RIF1: variants seen among roughly 807,000 people sequenced by gnomAD.
RIF1 encodes the protein replication timing regulatory factor 1.
Under a neutral mutation model 247.1 loss-of-function variants are expected in RIF1, and 45 were observed. That is an observed-to-expected ratio of 0.18 (90% confidence interval 0.14 to 0.23). The LOEUF is 0.23. RIF1 is among the 10% of genes least tolerant of loss of function. RIF1 has a pLI of 1.00. For synonymous variants in RIF1, 1,087 were observed against 978.8 expected (o/e 1.11, Z -2.06); for missense variants, 2,967 against 2,862.5 (o/e 1.04, Z -0.83).
chr2:151,508,434 T>G (rs1419740007), downstream of RIF1, among the ~76,000 whole-genome samples: 1 of 152,168 alleles, frequency 6.6e-6, no homozygotes, highest in Non-Finnish European at 1.5e-5. Context: ...GAGATGGGGA[T>G]GCCTCCAGTG....
chr2:151,519,853 G>A, the RIF1 span: 1 of 853,858 alleles, frequency 1.2e-6, no homozygotes, highest in South Asian at 1.4e-5. Context: ...AAATGCCAAA[G>A]AATATGCATT....
chr2:151,505,590 A>G, intron 12 of RIF1: 1 of 1,576,254 alleles, frequency 6.3e-7, no homozygotes, highest in Non-Finnish European at 8.7e-7. Flanking sequence ...TAAAAATGGG[A>G]AAAGAAAGGT....
chr2:151,461,267 A>G lies in RIF1; in HGVS notation c.3205A>G (p.Lys1069Glu), dbSNP rs1366865066. The change falls in exon 27 of 36, where the codon AAA (lysine) becomes GAA (glutamate). Residue 1069 changes from lysine to glutamate, a missense_variant. Physicochemically the swap from Lys to Glu is moderately conservative, Grantham distance 56. This residue lies in a region of RIF1 where 2,028 missense variants were observed against 1,825.6 expected (regional missense o/e 1.11). Coordinates refer to ENST00000444746, the MANE Select transcript of RIF1 (RefSeq NM_018151.5). ...GGAAAGAATATTAACTGATCATCAA[A>G]AAGAAGTTCTCAAAACAAAGCGGTT... Reference protein sequence around the residue: ...AKERILTDHQKEVLKTKRCDI... With the variant: ...AKERILTDHQEEVLKTKRCDI... 4.3e-6 allele frequency: 7 copies of G among 1,612,840 alleles called. No homozygotes were observed. Among genetic ancestry groups the G allele is most frequent in the Non-Finnish European group, 5.9e-6 (7 of 1,179,764 alleles).
At chr2:151,524,116 G>T in the RIF1 span, among the ~76,000 whole-genome samples, 1 of 152,268 alleles carries the variant, frequency 6.6e-6, no homozygotes, top group South Asian at 2.1e-4. Context: ...GTAAAGTGGA[G>T]AACAAGAAAG....
At chr2:151,507,871 A>G (rs1308052054) in exon 14 of RIF1, 1 of 651,942 alleles carries the variant, frequency 1.5e-6, no homozygotes, top group Non-Finnish European at 2.7e-6. Flanking sequence ...AATTGGGCAC[A>G]CATTTCCTGG....
chr2:151,525,975 T>G, the RIF1 span: 10 of 1,613,814 alleles, frequency 6.2e-6, no homozygotes. Flanking sequence ...ACATGCTTGG[T>G]CACTTCCTTG....
chr2:151,417,271 C>G (rs1191072616), intron 6 of RIF1, among the ~76,000 whole-genome samples: 2 of 152,068 alleles, frequency 1.3e-5, no homozygotes, highest in East Asian at 3.9e-4. Context: ...AATAGAGTAC[C>G]TTCTTCATTT....
intron 12 of RIF1, chr2:151,505,847 T>C (rs2153180647): frequency 1.9e-6 from 1 of 536,164 alleles, no homozygotes; most frequent in South Asian, 2.4e-5. Context: ...CCAATGTCTT[T>C]ATGCCCAGCA....
chr2:151,492,555 T>A, intron 9 of RIF1: 1 of 1,282,692 alleles, frequency 7.8e-7, no homozygotes, highest in Non-Finnish European at 1.1e-6. Context: ...TCAAAGCCTT[T>A]CCAGCAGATA....
At chr2:151,525,322 A>C in the RIF1 span, 1 of 1,372,854 alleles carries the variant, frequency 7.3e-7, no homozygotes. Context: ...CTGGGAACAG[A>C]GTTGGTTTAC....
At chr2:151,423,406 C>G (rs1688498152) in intron 8 of RIF1, 1 of 179,248 alleles carries the variant, frequency 5.6e-6, no homozygotes, top group African/African-American at 2.4e-5. Flanking sequence ...GGTGGTTTCA[C>G]TGTTTAAATT....
intron 6 of RIF1, among the ~76,000 whole-genome samples, chr2:151,418,033 C>A (rs1378130655): frequency 2.0e-5 from 3 of 152,104 alleles, no homozygotes; most frequent in Non-Finnish European, 4.4e-5. Context: ...CTCACACTTA[C>A]CACGAATGGA....
At chr2:151,521,411 AAAG>A in the RIF1 span, among the ~76,000 whole-genome samples, 4 of 147,968 alleles carry the variant, frequency 2.7e-5, no homozygotes, top group Admixed American at 6.7e-5. Flanking sequence ...CTCTCAACAT[AAAG>A]AAGTGGAAGG....
the RIF1 span, among the ~76,000 whole-genome samples, chr2:151,530,181 A>G: frequency 6.6e-6 from 1 of 152,188 alleles, no homozygotes; most frequent in Non-Finnish European, 1.5e-5. Context: ...GAATACAGCA[A>G]TCATTCTGCC....
In RIF1 at chr2:151,410,504, T is replaced by G. The variant is rs1304050449; in HGVS notation, c.81T>G (p.Thr27=). Residue 27 remains threonine (T), a synonymous_variant, in exon 2 of 36, where the codon ACT becomes ACG. Transcript: ENST00000444746. ...CTTCTGCCTCCCATGGAGGGCAGACTGACGCTTACCTGACTCTGACCAGGT... is the reference window on the plus strand; with the variant it reads ...CTTCTGCCTCCCATGGAGGGCAGACGGACGCTTACCTGACTCTGACCAGGT... ...EDPSASHGGQ[T]DAYLTLTSRM... 2 of 1,613,870 alleles carry G rather than the reference T, an allele frequency of 1.2e-6. No individual in the cohort carries two copies. The highest frequency in any genetic ancestry group is 1.7e-6 in the Non-Finnish European group (2 of 1,179,874).
At chr2:151,447,186 G>A (rs970749008) in intron 20 of RIF1, among the ~76,000 whole-genome samples, 9 of 151,446 alleles carry the variant, frequency 5.9e-5, no homozygotes, top group South Asian at 2.1e-4. Context: ...CTCGTGATCC[G>A]CCCGCCTCGG....
downstream of RIF1, among the ~76,000 whole-genome samples, chr2:151,510,751 T>G (rs531315555): frequency 1.3e-5 from 2 of 152,342 alleles, no homozygotes; most frequent in Admixed American, 1.3e-4. Context: ...TATATAGGGT[T>G]AGGTATTGTC....
chr2:151,524,261 C>A, the RIF1 span: 1 of 1,482,186 alleles, frequency 6.7e-7, no homozygotes, highest in South Asian at 1.1e-5. Flanking sequence ...CCTGCAAGGT[C>A]TTTTATAATC....
chr2:151,451,609 T>A lies in RIF1; in HGVS notation c.2248T>A (p.Leu750Met), dbSNP rs775765032. The A allele has an allele frequency of 7.2e-7, 1 of 1,383,216 alleles. No individual in the cohort carries two copies. The highest frequency in any genetic ancestry group is 1.2e-5 in the South Asian group (1 of 86,226). 85.7% of individuals were successfully genotyped at this position (1,383,216 alleles called of 1,614,324 possible). A position where few individuals can be genotyped will look rare whatever the true frequency, so the allele number is the denominator to read the frequency against. The change falls in exon 21 of 36, where the codon TTG (leucine) becomes ATG (methionine). Residue 750 changes from leucine (L) to methionine (M), a missense_variant. Leu to Met is a conservative substitution (Grantham distance 15). This residue lies in a region of RIF1 where 2,028 missense variants were observed against 1,825.6 expected (regional missense o/e 1.11). Coordinates refer to ENST00000444746, the MANE Select transcript of RIF1 (RefSeq NM_018151.5). ...ACAGTGGTACTTTCTTCCCTAGAATTTGTTGTTCGTGGATAGAATTATTTA... is the reference window on the plus strand; with the variant it reads ...ACAGTGGTACTTTCTTCCCTAGAATATGTTGTTCGTGGATAGAATTATTTA... Reference protein sequence around the residue: ...SSLEDEGFSNLLFVDRIIYII... With the variant: ...SSLEDEGFSNMLFVDRIIYII...
Sources: allele counts gnomAD v4.1 joint callset (sites outside exome capture counted in the v4.1 genomes callset), GRCh38; gene constraint gnomAD v4.1.1; regional missense constraint gnomAD v4.1.1; transcripts MANE v1.5; gene names NCBI Gene and HGNC (gene_info 2026-07-23, HGNC 2026-07-21).